Variants in MPPED1 observed in about 807,000 individuals in gnomAD.
The protein encoded by MPPED1 is metallophosphoesterase domain-containing protein 1.
Under a neutral mutation model 36.2 loss-of-function variants are expected in MPPED1, and 16 were observed. That is an observed-to-expected ratio of 0.44 (90% confidence interval 0.30 to 0.67). The LOEUF is 0.67. Among genes scored for constraint, MPPED1 ranks in the 30% least tolerant of loss-of-function variants. MPPED1 has a pLI of 0.10. For missense variants in MPPED1, 307 were observed against 453.4 expected (o/e 0.68, Z 2.93); for synonymous variants, 199 against 191.3 (o/e 1.04, Z -0.33).
At chr22:43,493,500 C>T (rs1932164454) in intron 4 of MPPED1, among the ~76,000 whole-genome samples, 1 of 152,232 alleles carries the variant, frequency 6.6e-6, no homozygotes, top group Non-Finnish European at 1.5e-5. Context: ...CCTCCACCAA[C>T]TCTCACAGCA....
At chr22:43,425,359 G>A in intron 2 of MPPED1, 150 bp downstream of exon 2, 1 of 1,364,680 alleles carries the variant, frequency 7.3e-7, no homozygotes, top group Non-Finnish European at 9.7e-7. Flanking sequence ...GATCATCGGG[G>A]CTCTGAGTTG....
At chr22:43,501,204 G>T (rs546229486) in intron 5 of MPPED1, among the ~76,000 whole-genome samples, 1 of 152,206 alleles carries the variant, frequency 6.6e-6, no homozygotes, top group African/African-American at 2.4e-5. Flanking sequence ...ACCTGAAGCC[G>T]CCTGAGTCCT....
At chr22:43,434,947 A>C in intron 2 of MPPED1, 87 bp from the exon 3 acceptor site, 1 of 1,391,234 alleles carries the variant, frequency 7.2e-7, no homozygotes, top group Admixed American at 1.8e-5. Flanking sequence ...TGGGGCTGTG[A>C]GCTGTGGTGG....
intron 5 of MPPED1, among the ~76,000 whole-genome samples, chr22:43,500,290 G>A (rs796170329): frequency 1.4e-3 from 13 of 9,042 alleles, no homozygotes; most frequent in African/African-American, 3.3e-3. Context: ...GTGGTGATGG[G>A]GGTGGTGGTG....
chr22:43,491,394 G>T (rs1470389791), intron 4 of MPPED1, among the ~76,000 whole-genome samples: 2 of 152,086 alleles, frequency 1.3e-5, no homozygotes. Context: ...GATGGTGGAG[G>T]TGGTGGTGAT....
chr22:43,486,578 G>T (rs1439627905), intron 4 of MPPED1, among the ~76,000 whole-genome samples: 2 of 152,106 alleles, frequency 1.3e-5, no homozygotes, highest in Non-Finnish European at 2.9e-5. Flanking sequence ...TATCCTCAGA[G>T]GATTGTCAAG....
chr22:43,488,815 C>T (rs1337000903), intron 4 of MPPED1, among the ~76,000 whole-genome samples: 1 of 152,210 alleles, frequency 6.6e-6, no homozygotes, highest in Non-Finnish European at 1.5e-5. Flanking sequence ...CATGGCTTAG[C>T]GGGAATTCGC....
At chr22:43,499,558 A>AGGT (rs1291594029) in intron 5 of MPPED1, among the ~76,000 whole-genome samples, 1 of 24,258 alleles carries the variant, frequency 4.1e-5, no homozygotes, top group African/African-American at 1.7e-4. Context: ...GTGGTGGTGG[A>AGGT]GGTGGTGGTG....
At chr22:43,432,085 C>T (rs537653937) in intron 2 of MPPED1, among the ~76,000 whole-genome samples, 12 of 152,236 alleles carry the variant, frequency 7.9e-5, no homozygotes, top group Non-Finnish European at 1.5e-4. Context: ...GGTAGACTGT[C>T]GGGTCCCTAG....
rs750943456 is a variant in MPPED1 at position 43,505,509 on chromosome 22, A to G, written c.874A>G (p.Met292Val). The change falls in exon 7 of 7, where the codon ATG (methionine) becomes GTG (valine). Residue 292 changes from methionine (M) to valine (V), a missense_variant. Physicochemically the swap from Met to Val is conservative, Grantham distance 21. This residue lies in a region of MPPED1 where 132 missense variants were observed against 212.3 expected (regional missense o/e 0.62). Coordinates refer to ENST00000443721, the MANE Select transcript of MPPED1 (RefSeq NM_001044370.2). ...FGHIHEGYGVMADGTTTYVNA... is the reference protein window; with the variant it reads ...FGHIHEGYGVVADGTTTYVNA... ...TGCTTACTTTCCAGGGTATGGTGTCATGGCAGATGGGACGACCACCTATGT... is the reference window on the plus strand; with the variant it reads ...TGCTTACTTTCCAGGGTATGGTGTCGTGGCAGATGGGACGACCACCTATGT... 6.2e-7 allele frequency: 1 copy of G among 1,609,266 alleles called. No individual in the cohort carries two copies. The highest frequency in any genetic ancestry group is 8.5e-7 in the Non-Finnish European group (1 of 1,177,978).
Position 43,502,777 on chromosome 22 carries a change from A to C in MPPED1, c.862+20A>C, listed in dbSNP as rs1439331052. The C allele has an allele frequency of 6.2e-7, 1 of 1,606,382 alleles. No homozygotes were observed. The highest frequency in any genetic ancestry group is 8.5e-7 in the Non-Finnish European group (1 of 1,173,752). On this transcript the variant is annotated intron_variant, in intron 6 of 6. Coordinates refer to ENST00000443721, the MANE Select transcript of MPPED1 (RefSeq NM_001044370.2). This position sits in a 1 kb window ranked among gnomAD's most constrained non-coding sequence, Gnocchi z 5.5. ...ACGAAGGTCAGTACGTAGCGGAGAC[A>C]GGCACCTCACGGGCTAGGGGCTCCT...
chr22:43,414,476 C>A (rs965352732), intron 1 of MPPED1, among the ~76,000 whole-genome samples: 2 of 152,198 alleles, frequency 1.3e-5, no homozygotes, highest in South Asian at 4.1e-4. Context: ...ATCTTTTAGT[C>A]TATCAAAATG....
chr22:43,502,941 G>A lies in MPPED1; in HGVS notation c.862+184G>A, dbSNP rs1932761572. ...AGCTATTGCTAAATGTTTAATAATA[G>A]GAAGATGATCACAACATCCTGCATG... On this transcript the variant is annotated intron_variant, in intron 6 of 6. Coordinates refer to ENST00000443721, the MANE Select transcript of MPPED1 (RefSeq NM_001044370.2). This position sits in a 1 kb window ranked among gnomAD's most constrained non-coding sequence, Gnocchi z 5.5. 6.6e-6 allele frequency among the ~76,000 whole-genome samples: 1 copy of A among 152,202 alleles called. No homozygotes were observed. The highest frequency in any genetic ancestry group is 2.1e-4 in the South Asian group (1 of 4,830).
intron 2 of MPPED1, among the ~76,000 whole-genome samples, chr22:43,432,905 GGAAAGAGAAAGGGAGGAGAGAGAGA>G (rs1929808457): frequency 2.2e-5 from 1 of 45,470 alleles, no homozygotes; most frequent in Non-Finnish European, 7.2e-5. Context: ...AGAGAGAGAG[GGAAAGAGAAAGGGAGGAGAGAGAGA>G]GGGAAAGAGA....
intron 5 of MPPED1, among the ~76,000 whole-genome samples, chr22:43,500,347 T>A (rs1183077227): frequency 1.1e-4 from 14 of 129,286 alleles, no homozygotes; most frequent in South Asian, 2.4e-4. Context: ...GTGGTGGTGG[T>A]GATGGTGATG....
intron 4 of MPPED1, among the ~76,000 whole-genome samples, chr22:43,489,441 G>C (rs909232605): frequency 1.3e-5 from 2 of 152,020 alleles, no homozygotes; most frequent in African/African-American, 4.8e-5. Context: ...CCTGGGGATG[G>C]TGCTCCCCAG....
chr22:43,460,449 G>A (rs1037300017), intron 3 of MPPED1, among the ~76,000 whole-genome samples: 1 of 151,804 alleles, frequency 6.6e-6, no homozygotes, highest in African/African-American at 2.4e-5. Flanking sequence ...TCCTGCCTCG[G>A]CCTCCTGAGT....
At chr22:43,497,911 A>G (rs1356485966) in intron 4 of MPPED1, among the ~76,000 whole-genome samples, 3 of 124,278 alleles carry the variant, frequency 2.4e-5, no homozygotes, top group Non-Finnish European at 5.0e-5. Flanking sequence ...GGTCTTAGGA[A>G]GAAGCTGATA....
At chr22:43,433,355 G>T (rs992935146) in intron 2 of MPPED1, among the ~76,000 whole-genome samples, 3 of 152,174 alleles carry the variant, frequency 2.0e-5, no homozygotes, top group Non-Finnish European at 4.4e-5. Flanking sequence ...GTGAGCAGGG[G>T]TCAGCCTGGT....
Sources: allele counts gnomAD v4.1 joint callset (sites outside exome capture counted in the v4.1 genomes callset), GRCh38; gene constraint gnomAD v4.1.1; regional missense constraint gnomAD v4.1.1; non-coding constraint Gnocchi (gnomAD v3.1); transcripts MANE v1.5; gene names NCBI Gene and HGNC (gene_info 2026-07-23, HGNC 2026-07-21).